SDCCAG8: variants seen among roughly 807,000 people sequenced by gnomAD.
The protein encoded by SDCCAG8 is serologically defined colon cancer antigen 8.
A neutral mutation model predicts 101.8 loss-of-function variants in SDCCAG8; 74 were observed. That is an observed-to-expected ratio of 0.73 (90% CI 0.60 to 0.88). The LOEUF is 0.88. Ranked by LOEUF, SDCCAG8 falls within the 40% of genes least tolerant of loss-of-function variation. SDCCAG8 has a pLI of 0.00. For synonymous variants in SDCCAG8, 281 were observed against 292.9 expected, an observed-to-expected ratio of 0.96 and a Z score of 0.41; for missense variants, 787 against 822.6, an observed-to-expected ratio of 0.96 and a Z score of 0.53.
chr1:243,464,541 C>T (rs570877792), intron 16 of SDCCAG8, among the ~76,000 whole-genome samples: 1 of 152,332 alleles, frequency 6.6e-6, no homozygotes, highest in South Asian at 2.1e-4. Flanking sequence ...AATTAATACA[C>T]ATTATTACAC....
chr1:243,383,659 T>G (rs1457975575), intron 13 of SDCCAG8, among the ~76,000 whole-genome samples: 1 of 152,180 alleles, frequency 6.6e-6, no homozygotes, highest in Non-Finnish European at 1.5e-5. Flanking sequence ...TCCAGTCTCT[T>G]TTGCTGACCA....
intron 13 of SDCCAG8, among the ~76,000 whole-genome samples, chr1:243,389,253 C>G (rs2078544930): frequency 6.7e-6 from 1 of 150,020 alleles, no homozygotes. Context: ...ACATTTTTGT[C>G]CATGTATGTT....
chr1:243,319,228 C>G (rs891545272), intron 9 of SDCCAG8, among the ~76,000 whole-genome samples: 1 of 152,176 alleles, frequency 6.6e-6, no homozygotes, highest in Non-Finnish European at 1.5e-5. Flanking sequence ...CTGGAAGTCA[C>G]ATTTCAACAT....
intron 12 of SDCCAG8, among the ~76,000 whole-genome samples, chr1:243,377,263 C>A (rs1309612302): frequency 6.6e-6 from 1 of 151,740 alleles, no homozygotes; most frequent in African/African-American, 2.4e-5. Context: ...CCTATAATTC[C>A]AATTCTGTAT....
At position 243,499,892 on chromosome 1, in the gene SDCCAG8, G is replaced by A. The variant is rs562761595; in HGVS notation, c.*107G>A. The stretch of plus-strand genomic sequence containing the variant: ...ACCACGACCTTCCCAGGGTGACACC[G>A]CCTCAGCCTGCAGTGGGGCTGGTCC... On this transcript the variant is annotated 3_prime_UTR_variant, in exon 18 of 18. Coordinates refer to ENST00000366541, the MANE Select transcript of SDCCAG8 (RefSeq NM_006642.5). 2.1e-5 allele frequency: 22 copies of A among 1,067,204 alleles called. No individual in the cohort carries two copies. The highest frequency in any genetic ancestry group is 7.3e-5 in the Admixed American group (4 of 54,510). 66.1% of individuals were successfully genotyped at this position (1,067,204 alleles called of 1,614,324 possible).
chr1:243,295,483 G>A (rs992472477), intron 6 of SDCCAG8, among the ~76,000 whole-genome samples: 19 of 152,052 alleles, frequency 1.2e-4, no homozygotes, highest in African/African-American at 4.3e-4. Flanking sequence ...TAATCCACCC[G>A]CCTCGGCCTC....
chr1:243,256,098 A>G lies in SDCCAG8; in HGVS notation c.-76A>G. The G allele has an allele frequency of 8.5e-6, 12 of 1,413,476 alleles. No individual in the cohort carries two copies. Among genetic ancestry groups the G allele is most frequent in the South Asian group, 1.1e-5 (1 of 87,030 alleles). The allele number at this position is 1,413,476 out of a possible 1,614,324, so 87.6% of individuals were successfully genotyped here. A position where few individuals can be genotyped will look rare whatever the true frequency, so the allele number is the denominator to read the frequency against. Reference sequence around the variant, plus strand: ...AAGCAGGCGGGCGCTCCCCGGCCACAGGCCTGTTGTTCTCGGAAGGGAGAA... The same window carrying G: ...AAGCAGGCGGGCGCTCCCCGGCCACGGGCCTGTTGTTCTCGGAAGGGAGAA... On this transcript the variant is annotated 5_prime_UTR_variant, in exon 1 of 18. Coordinates refer to ENST00000366541, the MANE Select transcript of SDCCAG8 (RefSeq NM_006642.5).
chr1:243,497,208 A>G (rs1668151684), intron 17 of SDCCAG8, among the ~76,000 whole-genome samples: 1 of 152,168 alleles, frequency 6.6e-6, no homozygotes, highest in Admixed American at 6.5e-5. Context: ...TGTCTCGGTC[A>G]GAGAAATGTG....
chr1:243,276,023 C>G (rs539054957), intron 4 of SDCCAG8, among the ~76,000 whole-genome samples: 6 of 152,002 alleles, frequency 3.9e-5, no homozygotes, highest in African/African-American at 1.4e-4. Flanking sequence ...GCCACCACGC[C>G]CAGCTAATTT....
chr1:243,338,326 A>G (rs2075151939), intron 10 of SDCCAG8, among the ~76,000 whole-genome samples: 1 of 152,232 alleles, frequency 6.6e-6, no homozygotes. Context: ...AGTTAGTGCT[A>G]GAACAAGAAT....
chr1:243,489,958 G>C (rs1052909896), intron 17 of SDCCAG8, among the ~76,000 whole-genome samples: 1 of 152,302 alleles, frequency 6.6e-6, no homozygotes, highest in South Asian at 2.1e-4. Context: ...ATTTTGCCCC[G>C]TCAAGCAGTT....
At position 243,304,734 on chromosome 1, in the gene SDCCAG8, G is replaced by C. The variant is rs1175941103; in HGVS notation, c.697G>C (p.Glu233Gln). 1 of 1,592,156 alleles carries C rather than the reference G, an allele frequency of 6.3e-7. No individual in the cohort carries two copies. Among genetic ancestry groups the C allele is most frequent in the South Asian group, 1.1e-5 (1 of 90,558 alleles). Reference protein sequence around the residue: ...LELEKLKLTYEEKCEIEESQL... With the variant: ...LELEKLKLTYQEKCEIEESQL... The stretch of plus-strand genomic sequence containing the variant: ...ATAGGAGAAGCTAAAACTTACTTAT[G>C]AGGAAAAGTGTGAAATTGAGGAATC... Residue 233 changes from glutamate (E) to glutamine (Q), a missense_variant, in exon 7 of 18, where the codon GAG (glutamate) becomes CAG (glutamine). Glu to Gln is a conservative substitution (Grantham distance 29). Coordinates refer to ENST00000366541, the MANE Select transcript of SDCCAG8 (RefSeq NM_006642.5).
chr1:243,296,565 C>G (rs1434175607), intron 6 of SDCCAG8, among the ~76,000 whole-genome samples: 1 of 13,630 alleles, frequency 7.3e-5, no homozygotes, highest in Admixed American at 1.5e-3. Flanking sequence ...TTTTTTGAGA[C>G]GGAGTCTCGT....
intron 12 of SDCCAG8, among the ~76,000 whole-genome samples, chr1:243,366,799 TATTC>T (rs888652293): frequency 1.3e-5 from 2 of 152,040 alleles, no homozygotes; most frequent in Non-Finnish European, 2.9e-5. Flanking sequence ...GCTTGGATAT[TATTC>T]ATATATAGTG....
intron 16 of SDCCAG8, among the ~76,000 whole-genome samples, chr1:243,459,472 T>A (rs1381838580): frequency 6.7e-6 from 1 of 149,078 alleles, no homozygotes; most frequent in Non-Finnish European, 1.5e-5. Flanking sequence ...CAGAAACAAG[T>A]CACTGAAGAA....
At chr1:243,473,919 C>CGGGGGGG (rs1460893006) in intron 16 of SDCCAG8, among the ~76,000 whole-genome samples, 2 of 3,444 alleles carry the variant, frequency 5.8e-4, no homozygotes, top group Admixed American at 3.4e-3. Flanking sequence ...GGAGAGTTGC[C>CGGGGGGG]GGCGGGGGGG....
chr1:243,308,130 C>G lies in SDCCAG8; in HGVS notation c.882C>G (p.Ser294=). Residue 294 remains serine, a synonymous_variant, in exon 8 of 18, where the codon TCC becomes TCG. Coordinates refer to ENST00000366541, the MANE Select transcript of SDCCAG8 (RefSeq NM_006642.5). ...LKCAQHEAVL[S]QTHTNVHMQT... is the part of the protein sequence containing the mutation. ...GTGCTCAGCATGAAGCTGTTCTTTC[C>G]CAAACCCATACTAATGTTCATATGC... 6.2e-7 allele frequency: 1 copy of G among 1,614,112 alleles called. No homozygotes were observed. Among genetic ancestry groups the G allele is most frequent in the Non-Finnish European group, 8.5e-7 (1 of 1,180,024 alleles).
intron 16 of SDCCAG8, among the ~76,000 whole-genome samples, chr1:243,459,078 AAG>A (rs1350885043): frequency 6.6e-6 from 1 of 152,252 alleles, no homozygotes; most frequent in African/African-American, 2.4e-5. Context: ...TCTGAAATAA[AAG>A]AGTGACAGAA....
At chr1:243,399,029 A>G (rs1048438977) in intron 13 of SDCCAG8, among the ~76,000 whole-genome samples, 11 of 152,228 alleles carry the variant, frequency 7.2e-5, no homozygotes, top group African/African-American at 2.4e-4. Context: ...CCTACCAGAC[A>G]AGGTTTATGT....
Sources: allele counts gnomAD v4.1 joint callset (sites outside exome capture counted in the v4.1 genomes callset), GRCh38; gene constraint gnomAD v4.1.1; transcripts MANE v1.5; gene names NCBI Gene and HGNC (gene_info 2026-07-23, HGNC 2026-07-21).